UGT2B28: variants seen among roughly 807,000 people sequenced by gnomAD.
UGT2B28 encodes UDP-glucuronosyltransferase 2B28.
UGT2B28 carries 45 observed loss-of-function variants against 43.6 expected under a neutral mutation model. The ratio of observed to expected loss-of-function variants is 1.03; its 90% CI spans 0.81 to 1.32. The LOEUF is 1.32. UGT2B28 is among the 40% of genes most tolerant of loss of function. The probability of loss-of-function intolerance (pLI) is 0.00; values close to 1 mark genes in which losing one functional copy is unlikely to be tolerated. For missense variants in UGT2B28, 649 were observed against 625.5 expected (o/e 1.04, Z -0.40); for synonymous variants, 204 against 208.1 (o/e 0.98, Z 0.17).
intron 3 of UGT2B28, 34 bp from the exon 4 acceptor site, chr4:69,289,631 C>T: frequency 6.6e-7 from 1 of 1,505,832 alleles, no homozygotes; most frequent in Non-Finnish European, 8.9e-7. Flanking sequence ...TTGAGTTCCA[C>T]TCATGGAATA....
Position 69,294,885 on chromosome 4 carries a change from TG to T in UGT2B28, c.*77del. ...TTTATTCCAGCAAGAAAGAAAAGAT[TG>T]TTATGCAAGATTTCTTTCTTCCTGT... On this transcript the variant is annotated 3_prime_UTR_variant, in exon 6 of 6. Coordinates refer to ENST00000335568, the MANE Select transcript of UGT2B28 (RefSeq NM_053039.2). 1.4e-6 allele frequency: 2 copies of T among 1,391,746 alleles called. 1 individual carries two copies. The highest frequency in any genetic ancestry group is 1.9e-6 in the Non-Finnish European group (2 of 1,068,570). The allele number at this position is 1,391,746 out of a possible 1,614,324, so 86.2% of individuals were successfully genotyped here.
rs1294783342 is a variant in UGT2B28 at position 69,291,582 on chromosome 4, C to G, written c.1310+771C>G. 6.4e-5 allele frequency among the ~76,000 whole-genome samples: 9 copies of G among 140,914 alleles called. 2 individuals are homozygous for G. The Admixed American group carries it at 6.4e-4, about 10-fold the overall frequency. The allele number at this position is 140,914 out of a possible 152,430, so 92.4% of individuals were successfully genotyped here. On this transcript the variant is annotated intron_variant, in intron 5 of 5. Coordinates refer to ENST00000335568, the MANE Select transcript of UGT2B28 (RefSeq NM_053039.2). ...GTTTTGTGTTTTAATACTTCATTTC[C>G]TTTACACTTGTGTAATATTTTATAG...
At chr4:69,292,981 A>C (rs1330333759) in intron 5 of UGT2B28, among the ~76,000 whole-genome samples, 3 of 140,694 alleles carry the variant, frequency 2.1e-5, no homozygotes, top group Admixed American at 7.1e-5. Flanking sequence ...ATAAATATAT[A>C]AATCTAATGC....
intron 3 of UGT2B28, 131 bp downstream of exon 3, chr4:69,287,014 A>G: frequency 7.2e-7 from 1 of 1,392,878 alleles, no homozygotes; most frequent in East Asian, 2.6e-5. Context: ...TATCTTGTGT[A>G]GCTTCCACCG....
Position 69,286,697 on chromosome 4 carries a change from T to C in UGT2B28, c.871-55T>C, listed in dbSNP as rs751782788. ...TCTTTAATATTTGGTACCAATTCTT[T>C]AGTAGTGCCTGCTGTGGTGATACTC... On this transcript the variant is annotated intron_variant, in intron 2 of 5. Transcript: ENST00000335568. The C allele has an allele frequency of 3.1e-5, 47 of 1,524,716 alleles. 8 individuals carry two copies. The highest frequency in any genetic ancestry group is 3.6e-5 in the Non-Finnish European group (41 of 1,140,516). 94.4% of individuals were successfully genotyped at this position (1,524,716 alleles called of 1,614,324 possible). A position where few individuals can be genotyped will look rare whatever the true frequency, so the allele number is the denominator to read the frequency against.
In UGT2B28 at chr4:69,280,961, T is replaced by C; in HGVS notation, c.461T>C (p.Phe154Ser). ...GACATCATTTTTGCAGATGCTTTTT[T>C]TCCTTGTGGTGAGCTGCTGGCTGCG... The part of the protein sequence containing the change: ...RFDIIFADAF[F>S]PCGELLAALL... Residue 154 changes from phenylalanine (F) to serine (S), a missense_variant, in exon 1 of 6, where the codon TTT (phenylalanine) becomes TCT (serine). Transcript: ENST00000335568. The C allele has an allele frequency of 1.3e-6, 2 of 1,560,464 alleles. 1 individual carries two copies. Among genetic ancestry groups the C allele is most frequent in the Non-Finnish European group, 1.7e-6 (2 of 1,155,762 alleles).
chr4:69,285,581 A>C (rs1258056503), intron 2 of UGT2B28, among the ~76,000 whole-genome samples: 1 of 141,144 alleles, frequency 7.1e-6, no homozygotes, highest in Non-Finnish European at 1.5e-5. Flanking sequence ...TCTCACGTTA[A>C]CGTAAGATTA....
intron 2 of UGT2B28, 27 bp downstream of exon 2, chr4:69,282,689 T>C: frequency 7.8e-6 from 12 of 1,537,898 alleles, no homozygotes; most frequent in Non-Finnish European, 1.0e-5. Flanking sequence ...TGGTTTTATT[T>C]TGTTGGCTTC....
intron 2 of UGT2B28, among the ~76,000 whole-genome samples, chr4:69,283,037 C>CGAAT (rs1700187414): frequency 7.1e-6 from 1 of 140,492 alleles, no homozygotes; most frequent in Non-Finnish European, 1.5e-5. Context: ...ACATACCTTA[C>CGAAT]ATTCTACTTT....
At chr4:69,293,611 G>A (rs532087969) in intron 5 of UGT2B28, among the ~76,000 whole-genome samples, 1 of 139,632 alleles carries the variant, frequency 7.2e-6, no homozygotes, top group South Asian at 2.4e-4. Flanking sequence ...TTGGGTTGCA[G>A]CAAGAAAGAG....
In UGT2B28 at chr4:69,290,870, G is replaced by A. The variant is rs1290726660; in HGVS notation, c.1310+59G>A. ...TTGTAGATAGCTTCTCTTTTCAATA[G>A]TGAGCATGAGTTTCATCCTTTTTAT... is the stretch of plus-strand genomic sequence containing the variant. On this transcript the variant is annotated intron_variant, in intron 5 of 5. Transcript: ENST00000335568. The A allele has an allele frequency of 3.4e-6, 5 of 1,487,780 alleles. 1 individual carries two copies. The Admixed American group carries it at 9.7e-5, about 29-fold the overall frequency. The allele number at this position is 1,487,780 out of a possible 1,614,324, so 92.2% of individuals were successfully genotyped here. A position where few individuals can be genotyped will look rare whatever the true frequency, so the allele number is the denominator to read the frequency against.
rs746165660 is a variant in UGT2B28, at chr4:69,280,989, A to T, written c.489A>T (p.Leu163=). 36 of 1,560,168 alleles carry T rather than the reference A, an allele frequency of 2.3e-5. 6 individuals carry two copies. The highest frequency in any genetic ancestry group is 3.1e-5 in the Non-Finnish European group (36 of 1,155,658). Residue 163 remains leucine, a synonymous_variant, in exon 1 of 6, where the codon CTA becomes CTT. Transcript: ENST00000335568. The part of the protein sequence containing the change: ...FFPCGELLAA[L]LNIPFVYSLC... ...CTTGTGGTGAGCTGCTGGCTGCGCT[A>T]CTTAACATACCGTTTGTGTACAGTC...
chr4:69,282,863 G>A (rs1362497614), intron 2 of UGT2B28, among the ~76,000 whole-genome samples: 1 of 139,750 alleles, frequency 7.2e-6, no homozygotes, highest in Non-Finnish European at 1.5e-5. Flanking sequence ...CAAATAGAGA[G>A]GAATAGTAAG....
At position 69,294,999 on chromosome 4, in the gene UGT2B28, T is replaced by C. The variant is rs1724065778; in HGVS notation, c.*190T>C. On this transcript the variant is annotated 3_prime_UTR_variant, in exon 6 of 6. Transcript: ENST00000335568. ...ACCACCCAGGTAATGGTTAGAAATA[T>C]TCTGTGGCAATGAAGAAAACACTAG... The C allele has an allele frequency of 1.4e-5, 10 of 710,240 alleles. No individual in the cohort carries two copies. The highest frequency in any genetic ancestry group is 2.2e-5 in the African/African-American group (1 of 46,276). 44.0% of individuals were successfully genotyped at this position (710,240 alleles called of 1,614,324 possible). A position where few individuals can be genotyped will look rare whatever the true frequency, so the allele number is the denominator to read the frequency against.
chr4:69,290,477 T>G, intron 4 of UGT2B28, 115 bp from the exon 5 acceptor site: 1 of 1,341,084 alleles, frequency 7.5e-7, no homozygotes, highest in South Asian at 1.4e-5. Flanking sequence ...GTCTGAAAAG[T>G]AATGGCAAAT....
At position 69,282,565 on chromosome 4, in the gene UGT2B28, T is replaced by G; in HGVS notation, c.773T>G (p.Met258Arg). 6.4e-7 allele frequency: 1 copy of G among 1,554,658 alleles called. No homozygotes were observed. Among genetic ancestry groups the G allele is most frequent in the Non-Finnish European group, 8.7e-7 (1 of 1,153,510 alleles). The change falls in exon 2 of 6, where the codon ATG becomes AGG. Residue 258 changes from methionine to arginine, a missense_variant. Transcript: ENST00000335568. ...ATGGGGAAAGCTGACATATGGCTTA[T>G]GCGAAACTCCTGGAGTTTTCAATTT... ...ETMGKADIWL[M>R]RNSWSFQFPH...
intron 3 of UGT2B28, among the ~76,000 whole-genome samples, chr4:69,288,075 C>T (rs753815696): frequency 7.2e-6 from 1 of 138,262 alleles, no homozygotes; most frequent in Admixed American, 7.3e-5. Flanking sequence ...TGACCAAATT[C>T]AGCAAAATAC....
intron 4 of UGT2B28, 50 bp from the exon 5 acceptor site, chr4:69,290,542 A>G: frequency 1.3e-6 from 2 of 1,531,202 alleles, no homozygotes; most frequent in Non-Finnish European, 1.8e-6. Context: ...TTCATTGTGT[A>G]TCGCATTTTA....
rs753981322 is a variant in UGT2B28 at position 69,294,836 on chromosome 4, A to T, written c.*27A>T. 1 of 1,527,426 alleles carries T rather than the reference A, an allele frequency of 6.5e-7. No homozygotes were observed. Among genetic ancestry groups the T allele is most frequent in the South Asian group, 1.3e-5 (1 of 77,512 alleles). The allele number at this position is 1,527,426 out of a possible 1,614,324, so 94.6% of individuals were successfully genotyped here. ...TATGTCTGACATTTGAAGCTGGAAAACCAGATAGATGGGTTGACATCAGTT... is the reference window on the plus strand; with the variant it reads ...TATGTCTGACATTTGAAGCTGGAAATCCAGATAGATGGGTTGACATCAGTT... On this transcript the variant is annotated 3_prime_UTR_variant, in exon 6 of 6. Transcript: ENST00000335568.
Sources: allele counts gnomAD v4.1 joint callset (sites outside exome capture counted in the v4.1 genomes callset), GRCh38; gene constraint gnomAD v4.1.1; transcripts MANE v1.5; gene names NCBI Gene and HGNC (gene_info 2026-07-23, HGNC 2026-07-21).